The following NRCAM variants were observed in gnomAD, a reference collection of about 807,000 sequenced individuals.
NRCAM encodes the protein neuronal cell adhesion molecule, also known as NgCAM-related cell adhesion molecule.
NRCAM carries 83 observed loss-of-function variants against 156.5 expected under a neutral mutation model. That is an observed-to-expected ratio of 0.53 (90% CI 0.44 to 0.64). The LOEUF is 0.64. Among genes scored for constraint, NRCAM ranks in the 30% least tolerant of loss-of-function variants. The probability of loss-of-function intolerance (pLI) is 0.00; values close to 1 mark genes in which losing one functional copy is unlikely to be tolerated. For synonymous variants in NRCAM, 538 were observed against 563.9 expected, an observed-to-expected ratio of 0.95 and a Z score of 0.65; for missense variants, 1,417 against 1,597.3, an observed-to-expected ratio of 0.89 and a Z score of 1.92.
intron 1 of NRCAM, among the ~76,000 whole-genome samples, chr7:108,446,179 G>C (rs1843936583): frequency 6.6e-6 from 1 of 152,200 alleles, no homozygotes; most frequent in Non-Finnish European, 1.5e-5. Flanking sequence ...GGGTCACAAG[G>C]ATGTCATTTA....
intron 3 of NRCAM, among the ~76,000 whole-genome samples, chr7:108,302,900 AACAGATTCATC>A (rs2098649934): frequency 6.6e-6 from 1 of 152,198 alleles, no homozygotes; most frequent in South Asian, 2.1e-4. Context: ...TATTTTAAAC[AACAGATTCATC>A]ACAGTCCTGT....
intron 20 of NRCAM, among the ~76,000 whole-genome samples, chr7:108,189,059 C>G (rs1184309699): frequency 1.4e-5 from 1 of 72,704 alleles, no homozygotes; most frequent in Non-Finnish European, 3.7e-5. Context: ...ATGACATTGT[C>G]CTTCCTTATC....
intron 2 of NRCAM, among the ~76,000 whole-genome samples, chr7:108,317,213 G>T (rs146084637): frequency 7.2e-5 from 11 of 152,236 alleles, no homozygotes; most frequent in African/African-American, 2.6e-4. Context: ...CTAGTTTGGG[G>T]GTTTGTTAGA....
Position 108,298,419 on chromosome 7 carries a change from G to T in NRCAM, c.-107+14246C>A, listed in dbSNP as rs1383052258. ...CCAGAACTTTGGGAGGCCGAGGCAG[G>T]AGGATCACAAGGGCAGGAGATGGAG... On this transcript the variant is annotated intron_variant, in intron 3 of 32. Transcript: ENST00000379028. 2.6e-5 allele frequency among the ~76,000 whole-genome samples: 4 copies of T among 151,812 alleles called. No homozygotes were observed. In the East Asian group the frequency reaches 7.8e-4, roughly 30 times the overall value.
chr7:108,316,925 C>T (rs1365346468), intron 2 of NRCAM, among the ~76,000 whole-genome samples: 1 of 152,170 alleles, frequency 6.6e-6, no homozygotes, highest in African/African-American at 2.4e-5. Flanking sequence ...TCTGTATTTC[C>T]AGTTCTCCTT....
At chr7:108,209,840 T>G (rs1329043520) in intron 11 of NRCAM, among the ~76,000 whole-genome samples, 1 of 152,250 alleles carries the variant, frequency 6.6e-6, no homozygotes, top group Non-Finnish European at 1.5e-5. Flanking sequence ...AATGATACAG[T>G]ATGAATGCCA....
intron 5 of NRCAM, among the ~76,000 whole-genome samples, chr7:108,236,998 T>C (rs1027168053): frequency 6.6e-6 from 1 of 152,222 alleles, no homozygotes; most frequent in African/African-American, 2.4e-5. Context: ...TGTCTGGATA[T>C]ACCTCCTTAA....
At chr7:108,298,978 T>C (rs1461693295) in intron 3 of NRCAM, among the ~76,000 whole-genome samples, 1 of 147,718 alleles carries the variant, frequency 6.8e-6, no homozygotes, top group Non-Finnish European at 1.5e-5. Context: ...TGGTGGTGCA[T>C]GTCTGTAATC....
chr7:108,294,390 C>T (rs986519884), intron 3 of NRCAM, among the ~76,000 whole-genome samples: 2 of 151,978 alleles, frequency 1.3e-5, no homozygotes, highest in East Asian at 3.9e-4. Flanking sequence ...CCCTCTTTCT[C>T]CCTGTTGCAG....
At position 108,185,575 on chromosome 7, in the gene NRCAM, T is replaced by C. The variant is rs1194293781; in HGVS notation, c.2036-961A>G. On this transcript the variant is annotated intron_variant, in intron 20 of 32. Transcript: ENST00000379028. ...AACCCCGTCTCTACAGAAAGTTAAC[T>C]GGGTGTGGTGGCGTGCACCTATAGT... 2.6e-5 allele frequency among the ~76,000 whole-genome samples: 4 copies of C among 151,862 alleles called. No homozygotes were observed. The East Asian group carries it at 7.7e-4, about 29-fold the overall frequency.
intron 2 of NRCAM, among the ~76,000 whole-genome samples, chr7:108,330,581 T>A (rs954055254): frequency 6.6e-6 from 1 of 152,180 alleles, no homozygotes; most frequent in Admixed American, 6.5e-5. Flanking sequence ...ATAGAGGTAC[T>A]GGGTTTAACA....
intron 3 of NRCAM, among the ~76,000 whole-genome samples, chr7:108,286,040 T>C (rs1002561527): frequency 2.6e-5 from 4 of 152,234 alleles, no homozygotes; most frequent in African/African-American, 9.6e-5. Flanking sequence ...TTATAGTTTC[T>C]GTCGAAACTA....
At chr7:108,373,792 C>A (rs1300218544) in intron 2 of NRCAM, among the ~76,000 whole-genome samples, 1 of 152,068 alleles carries the variant, frequency 6.6e-6, no homozygotes, top group Non-Finnish European at 1.5e-5. Context: ...TGCATTTGGA[C>A]TTAAGGTGAT....
intron 2 of NRCAM, among the ~76,000 whole-genome samples, chr7:108,348,656 A>G (rs1045591972): frequency 2.6e-5 from 4 of 152,102 alleles, no homozygotes; most frequent in African/African-American, 4.8e-5. Flanking sequence ...GCTCATGCCT[A>G]TAATTCCAAC....
intron 1 of NRCAM, among the ~76,000 whole-genome samples, chr7:108,409,227 A>AT (rs955530403): frequency 6.6e-6 from 1 of 152,334 alleles, no homozygotes; most frequent in Non-Finnish European, 1.5e-5. Context: ...GCTGACCACT[A>AT]TCACTGCTTC....
At chr7:108,260,536 G>C (rs544210364) in intron 3 of NRCAM, among the ~76,000 whole-genome samples, 1 of 152,234 alleles carries the variant, frequency 6.6e-6, no homozygotes, top group Non-Finnish European at 1.5e-5. Context: ...TGGATAAATG[G>C]GAGCTCAGAA....
At chr7:108,446,673 G>A (rs1275036655) in intron 1 of NRCAM, among the ~76,000 whole-genome samples, 1 of 151,784 alleles carries the variant, frequency 6.6e-6, no homozygotes, top group Non-Finnish European at 1.5e-5. Context: ...ATGTTATTTA[G>A]AGCAAATATC....
chr7:108,282,778 ACG>A (rs1450074638), intron 3 of NRCAM, among the ~76,000 whole-genome samples: 1 of 152,210 alleles, frequency 6.6e-6, no homozygotes, highest in Non-Finnish European at 1.5e-5. Flanking sequence ...ACACATCTCA[ACG>A]TAGAAACAAT....
chr7:108,178,000 C>A lies in NRCAM; in HGVS notation c.2964G>T (p.Lys988Asn). 10 of 1,610,734 alleles carry A rather than the reference C, an allele frequency of 6.2e-6. No homozygotes were observed. The highest frequency in any genetic ancestry group is 7.6e-6 in the Non-Finnish European group (9 of 1,178,114). The stretch of plus-strand genomic sequence containing the variant: ...CTCCCAACAGCTTACTTGGCTGATA[C>A]TTTAAGGTGTACTCTGTCAAAATGC... ...PNGILTEYTLKYQPINSTHEL... is the reference protein window; with the variant it reads ...PNGILTEYTLNYQPINSTHEL... The change falls in exon 26 of 33, where the codon AAG (lysine) becomes AAT (asparagine). Residue 988 changes from lysine (K) to asparagine (N), a missense_variant. Transcript: ENST00000379028.
Sources: gnomAD v4.1 joint callset for allele counts (sites outside exome capture counted in the v4.1 genomes callset) on GRCh38, gnomAD v4.1.1 for gene constraint, MANE v1.5 for transcripts, NCBI Gene and HGNC (gene_info 2026-07-23, HGNC 2026-07-21) for gene names.